Variants in LRBA observed in about 807,000 individuals in gnomAD.
LRBA encodes lipopolysaccharide-responsive and beige-like anchor protein.
LRBA carries 176 observed loss-of-function variants against 330.0 expected under a neutral mutation model. That is an observed-to-expected ratio of 0.53 (90% confidence interval 0.47 to 0.60). LRBA has a LOEUF of 0.60. LRBA is among the 20% of genes least tolerant of loss of function. The pLI, the probability that LRBA is intolerant of heterozygous loss-of-function variation, is 0.00. For missense variants in LRBA, 3,259 were observed against 3,444.8 expected, an observed-to-expected ratio of 0.95 and a Z score of 1.35; for synonymous variants, 1,230 against 1,193.0, an observed-to-expected ratio of 1.03 and a Z score of -0.64.
chr4:150,968,499 T>C (rs1739157601), intron 2 of LRBA, among the ~76,000 whole-genome samples: 1 of 152,190 alleles, frequency 6.6e-6, no homozygotes, highest in South Asian at 2.1e-4. Flanking sequence ...GTGGTCTGGA[T>C]AGATCAAATC....
chr4:150,422,724 C>A, intron 46 of LRBA: 1 of 870,932 alleles, frequency 1.1e-6, no homozygotes, highest in Non-Finnish European at 1.9e-6. Flanking sequence ...CCTCTGGAAC[C>A]CACCTGAGGG....
chr4:150,712,502 C>G (rs1786320921), intron 36 of LRBA, among the ~76,000 whole-genome samples: 1 of 152,116 alleles, frequency 6.6e-6, no homozygotes, highest in African/African-American at 2.4e-5. Context: ...ATGCCAATGT[C>G]CTAATCAAAA....
chr4:150,559,886 T>TATATAATTATATATA (rs1768038185), intron 40 of LRBA, among the ~76,000 whole-genome samples: 3 of 16,814 alleles, frequency 1.8e-4, no homozygotes, highest in South Asian at 3.7e-3. Context: ...TATATATAAT[T>TATATAATTATATATA]ATATATAATT....
chr4:150,832,336 C>T (rs1747330452), intron 28 of LRBA, among the ~76,000 whole-genome samples: 1 of 152,160 alleles, frequency 6.6e-6, no homozygotes, highest in Non-Finnish European at 1.5e-5. Flanking sequence ...GTGGCTCACA[C>T]CTGTAATCCC....
At chr4:150,548,739 G>A (rs980508928) in intron 40 of LRBA, among the ~76,000 whole-genome samples, 2 of 152,136 alleles carry the variant, frequency 1.3e-5, no homozygotes, top group African/African-American at 2.4e-5. Flanking sequence ...ATTATTGATT[G>A]AACCCTTACT....
At chr4:150,876,102 G>A (rs1754002506) in intron 17 of LRBA, among the ~76,000 whole-genome samples, 1 of 152,146 alleles carries the variant, frequency 6.6e-6, no homozygotes, top group African/African-American at 2.4e-5. Flanking sequence ...AGTTTTATCA[G>A]CAGACTGGAC....
intron 30 of LRBA, among the ~76,000 whole-genome samples, chr4:150,825,258 T>C (rs1015867602): frequency 6.6e-6 from 1 of 152,204 alleles, no homozygotes; most frequent in Non-Finnish European, 1.5e-5. Flanking sequence ...TGTACTACTG[T>C]AATAATTTCA....
intron 41 of LRBA, among the ~76,000 whole-genome samples, chr4:150,489,305 T>TATACGAATATAAAATATATTAC (rs1561250675): frequency 1.6e-5 from 1 of 62,380 alleles, no homozygotes; most frequent in East Asian, 4.7e-4. Flanking sequence ...TAATATATTA[T>TATACGAATATAAAATATATTAC]ATATAAGAAT....
Position 150,555,925 on chromosome 4 carries a change from C to T in LRBA, c.6330+32123G>A, listed in dbSNP as rs530349194. On this transcript the variant is annotated intron_variant, in intron 40 of 56. Transcript: ENST00000651943. ...CCAGCCAATCCTCCCAAGTCAGTAG[C>T]CCAAGTAGCTACACAGCAGGAGCAC... Among the ~76,000 whole-genome samples the T allele has an allele frequency of 2.6e-5, 4 of 152,030 alleles. No homozygotes were observed. In the South Asian group the frequency reaches 8.3e-4, roughly 32 times the overall value.
At chr4:150,273,379 G>A (rs190224421) in intron 56 of LRBA, among the ~76,000 whole-genome samples, 8 of 152,264 alleles carry the variant, frequency 5.3e-5, no homozygotes, top group African/African-American at 1.4e-4. Context: ...AAACACCATC[G>A]ACGCTATGAA....
chr4:150,399,025 T>C (rs930908403), intron 47 of LRBA, among the ~76,000 whole-genome samples: 1 of 152,162 alleles, frequency 6.6e-6, no homozygotes, highest in Non-Finnish European at 1.5e-5. Flanking sequence ...AAAGAAAATA[T>C]GGTTGCAGAA....
At chr4:150,877,545 C>T (rs1477767295) in intron 17 of LRBA, among the ~76,000 whole-genome samples, 4 of 152,274 alleles carry the variant, frequency 2.6e-5, no homozygotes, top group East Asian at 1.9e-4. Context: ...GACTACGAGA[C>T]GTAGGAACAG....
chr4:150,870,658 C>T (rs751506277), intron 19 of LRBA, 52 bp from the exon 20 acceptor site: 1 of 842,424 alleles, frequency 1.2e-6, no homozygotes, highest in East Asian at 2.4e-5. Context: ...ATTAGCATCA[C>T]TATTAATGAA....
At chr4:150,645,197 G>A (rs1409483538) in intron 37 of LRBA, among the ~76,000 whole-genome samples, 1 of 135,254 alleles carries the variant, frequency 7.4e-6, no homozygotes. Flanking sequence ...TAAGGGCATA[G>A]ACTGATTTTT....
Position 150,861,270 on chromosome 4 carries a change from G to GGTGTGTGTGTGTGTGTGT in LRBA, c.2766+6383_2766+6400dup, listed in dbSNP as rs35115144. ...GGTGCATGCCACCATCCCAGCTAAT[G>GGTGTGTGTGTGTGTGTGT]GTGTGTGTGTGTGTGTGTGTGTGTG... On this transcript the variant is annotated intron_variant, in intron 22 of 56. Transcript: ENST00000651943. Among the ~76,000 whole-genome samples, 688 of 137,864 alleles carry GGTGTGTGTGTGTGTGTGT rather than the reference G, an allele frequency of 5.0e-3. 16 individuals carry two copies. Among genetic ancestry groups the GGTGTGTGTGTGTGTGTGT allele is most frequent in the African/African-American group, 0.018 (642 of 36,436 alleles). 90.4% of individuals were successfully genotyped at this position (137,864 alleles called of 152,430 possible).
At chr4:150,803,023 A>C (rs1248963789) in intron 33 of LRBA, among the ~76,000 whole-genome samples, 53 of 124,784 alleles carry the variant, frequency 4.2e-4, no homozygotes, top group Non-Finnish European at 7.6e-4. Flanking sequence ...CTCTGTCTCC[A>C]AAAAAAAAAA....
At chr4:150,268,886 A>C (rs1017209506) in intron 56 of LRBA, among the ~76,000 whole-genome samples, 4 of 152,248 alleles carry the variant, frequency 2.6e-5, no homozygotes, top group African/African-American at 9.6e-5. Flanking sequence ...TGAAAGTCCT[A>C]GACAGAGCAA....
At chr4:150,801,096 G>A (rs2198191) in intron 33 of LRBA, among the ~76,000 whole-genome samples, 128,048 of 152,082 alleles carry the variant, frequency 0.84, 54,884 homozygotes, top group Non-Finnish European at 0.94. Context: ...CTTGTTTTTT[G>A]TATTTAAGTC....
intron 28 of LRBA, among the ~76,000 whole-genome samples, chr4:150,832,661 CT>C (rs1747376307): frequency 6.6e-6 from 1 of 152,142 alleles, no homozygotes; most frequent in African/African-American, 2.4e-5. Flanking sequence ...TTATTTTTAT[CT>C]GTAATCATAA....
Sources: allele counts gnomAD v4.1 joint callset (sites outside exome capture counted in the v4.1 genomes callset), GRCh38; gene constraint gnomAD v4.1.1; transcripts MANE v1.5; gene names NCBI Gene and HGNC (gene_info 2026-07-23, HGNC 2026-07-21).